Variants in CDON observed in about 807,000 individuals in gnomAD.
CDON encodes the protein cell adhesion molecule-related/down-regulated by oncogenes.
Under a neutral mutation model 120.9 loss-of-function variants are expected in CDON, and 73 were observed. That is an observed-to-expected ratio of 0.60 (90% confidence interval 0.50 to 0.73). CDON has a LOEUF of 0.73. Among genes scored for constraint, CDON ranks in the 30% least tolerant of loss-of-function variants. The pLI is 0.00. For synonymous variants in CDON, 566 were observed against 573.5 expected (o/e 0.99, Z 0.19); for missense variants, 1,470 against 1,587.3 (o/e 0.93, Z 1.26).
chr11:125,960,932 T>C lies in CDON; in HGVS notation c.*10A>G. ...TTGAAGTTGGAACATGACTGGTTGT[T>C]TGCATGTCCTCAGGTTTCCCGGGGC... On this transcript the variant is annotated 3_prime_UTR_variant, in exon 20 of 20. Coordinates refer to ENST00000531738, the MANE Select transcript of CDON (RefSeq NM_001378964.1). 2.5e-6 allele frequency: 4 copies of C among 1,613,842 alleles called. No individual in the cohort carries two copies. Among genetic ancestry groups the C allele is most frequent in the Non-Finnish European group, 3.4e-6 (4 of 1,179,962 alleles).
At chr11:126,005,707 C>T (rs1947100903) in intron 9 of CDON, 52 bp downstream of exon 9, 8 of 1,534,982 alleles carry the variant, frequency 5.2e-6, no homozygotes, top group Non-Finnish European at 1.8e-6. Context: ...ATATGTTATA[C>T]AAAGAACGTT....
At chr11:125,969,447 G>A (rs1945899021) in intron 18 of CDON, among the ~76,000 whole-genome samples, 1 of 152,182 alleles carries the variant, frequency 6.6e-6, no homozygotes, top group South Asian at 2.1e-4. Context: ...GCAAACATAT[G>A]ACATTCAATA....
At chr11:126,029,946 CA>C (rs781039566) in intron 1 of CDON, among the ~76,000 whole-genome samples, 20 of 152,152 alleles carry the variant, frequency 1.3e-4, no homozygotes, top group Non-Finnish European at 2.8e-4. Context: ...ATCTACAAAG[CA>C]GGACAACTTA....
At chr11:126,018,871 G>A (rs775106649) in intron 4 of CDON, among the ~76,000 whole-genome samples, 31 of 152,142 alleles carry the variant, frequency 2.0e-4, no homozygotes, top group African/African-American at 3.1e-4. Flanking sequence ...GCCAGCCTGC[G>A]TTACATTTAG....
intron 1 of CDON, among the ~76,000 whole-genome samples, chr11:126,041,825 G>A (rs1051247996): frequency 1.3e-5 from 2 of 152,172 alleles, no homozygotes; most frequent in Admixed American, 6.5e-5. Flanking sequence ...ACACATACAC[G>A]TGAGGTTAAT....
chr11:125,974,354 TAGGTAGGTAGGTAGGAAGGA>T (rs1252807839), intron 18 of CDON, among the ~76,000 whole-genome samples: 12 of 61,422 alleles, frequency 2.0e-4, no homozygotes, highest in Non-Finnish European at 3.1e-4. Context: ...GGTAGGTAGG[TAGGTAGGTAGGTAGGAAGGA>T]AGGAAGGAAG....
rs1469677033 is a variant in CDON at position 125,958,370 on chromosome 11, G to A, written c.*2572C>T. 1 of 151,990 alleles carries A rather than the reference G, an allele frequency of 6.6e-6. No homozygotes were observed. The highest frequency in any genetic ancestry group is 2.4e-5 in the African/African-American group (1 of 41,340). The allele number at this position is 151,990 out of a possible 1,614,324, so 9.4% of individuals were successfully genotyped here. A position where few individuals can be genotyped will look rare whatever the true frequency, so the allele number is the denominator to read the frequency against. ...AAATGAGTTAACAGTAACAAGCACC[G>A]AGCACAGTGCCTGGTACACAGTAGT... On this transcript the variant is annotated 3_prime_UTR_variant, in exon 20 of 20. Coordinates refer to ENST00000531738, the MANE Select transcript of CDON (RefSeq NM_001378964.1).
chr11:126,049,967 G>C (rs925876688), intron 1 of CDON, among the ~76,000 whole-genome samples: 6 of 152,104 alleles, frequency 3.9e-5, no homozygotes, highest in Non-Finnish European at 5.9e-5. Context: ...AGGATGTACC[G>C]TTAAAGAATT....
Position 125,961,779 on chromosome 11 carries a change from G to A in CDON, c.3576C>T (p.Asp1192=), listed in dbSNP as rs200023158. 48 of 1,613,974 alleles carry A rather than the reference G, an allele frequency of 3.0e-5. No individual in the cohort carries two copies. In the Middle Eastern group the frequency reaches 4.9e-4, roughly 17 times the overall value. Residue 1192 remains aspartate (D), a synonymous_variant, in exon 19 of 20, where the codon GAC becomes GAT. Coordinates refer to ENST00000531738, the MANE Select transcript of CDON (RefSeq NM_001378964.1). ...CATCAGAGCTGACGTCATTTACAAT[G>A]TCCTGACAGCAGGTACGCTGAGTAG... ...PVPTQRTCCQ[D]IVNDVSSDGS...
At chr11:126,007,572 T>C (rs1488989401) in intron 8 of CDON, among the ~76,000 whole-genome samples, 3 of 152,192 alleles carry the variant, frequency 2.0e-5, no homozygotes, top group South Asian at 2.1e-4. Context: ...ATTAGAAGTT[T>C]AGTGGATCCT....
At chr11:126,048,735 C>T (rs1948473142) in intron 1 of CDON, among the ~76,000 whole-genome samples, 2 of 151,960 alleles carry the variant, frequency 1.3e-5, no homozygotes, top group African/African-American at 4.8e-5. Flanking sequence ...TGGAGTTTCA[C>T]TCTTGTTGCC....
intron 7 of CDON, among the ~76,000 whole-genome samples, chr11:126,014,001 TATG>T (rs752826354): frequency 1.3e-5 from 2 of 152,136 alleles, no homozygotes; most frequent in African/African-American, 2.4e-5. Flanking sequence ...AAATTTCCAT[TATG>T]ATTTCTTTTT....
chr11:125,990,971 C>T (rs1946616817), intron 14 of CDON, among the ~76,000 whole-genome samples: 1 of 152,180 alleles, frequency 6.6e-6, no homozygotes, highest in South Asian at 2.1e-4. Flanking sequence ...ATAGATCTGT[C>T]TCTGAAATCC....
intron 1 of CDON, among the ~76,000 whole-genome samples, chr11:126,057,246 C>T (rs1948701984): frequency 1.3e-5 from 2 of 151,978 alleles, no homozygotes; most frequent in Non-Finnish European, 2.9e-5. Context: ...TTCTTTTTTC[C>T]CCCAAAGACT....
At chr11:126,027,798 G>C (rs138865064) in intron 1 of CDON, among the ~76,000 whole-genome samples, 55 of 152,088 alleles carry the variant, frequency 3.6e-4, no homozygotes, top group African/African-American at 1.2e-3. Context: ...CCATGATAAG[G>C]ACAACCATCC....
intron 11 of CDON, among the ~76,000 whole-genome samples, chr11:125,998,603 C>T (rs1319017252): frequency 2.6e-5 from 4 of 152,170 alleles, no homozygotes; most frequent in Admixed American, 6.6e-5. Flanking sequence ...CCCAGCCTCA[C>T]GTATTCCTTT....
chr11:125,979,160 G>A (rs1013625862), intron 17 of CDON, among the ~76,000 whole-genome samples: 1 of 152,210 alleles, frequency 6.6e-6, no homozygotes, highest in Admixed American at 6.5e-5. Flanking sequence ...GATAAAAGGT[G>A]GGAGAGGCTG....
At chr11:126,045,094 C>T (rs563010365) in intron 1 of CDON, among the ~76,000 whole-genome samples, 59 of 152,254 alleles carry the variant, frequency 3.9e-4, no homozygotes, top group African/African-American at 1.3e-3. Context: ...GGTGCAATCT[C>T]GGCTCACTGC....
At chr11:125,995,083 CAA>C in intron 12 of CDON, 31 bp from the exon 13 acceptor site, 1 of 1,576,592 alleles carries the variant, frequency 6.3e-7, no homozygotes, top group African/African-American at 1.3e-5. Context: ...AAACAAACAA[CAA>C]CAACAAAAAC....
Sources: gnomAD v4.1 joint callset for allele counts (sites outside exome capture counted in the v4.1 genomes callset) on GRCh38, gnomAD v4.1.1 for gene constraint, MANE v1.5 for transcripts, NCBI Gene and HGNC (gene_info 2026-07-23, HGNC 2026-07-21) for gene names.